Variants in SETD1B observed in about 807,000 individuals in gnomAD.
SETD1B encodes the protein histone-lysine N-methyltransferase SETD1B.
In SETD1B, 7 loss-of-function variants were observed where a neutral mutation model predicts 148.0. The ratio of observed to expected loss-of-function variants is 0.05; its 90% CI spans 0.03 to 0.09. The LOEUF (loss-of-function observed/expected upper bound fraction) is 0.09. Among genes scored for constraint, SETD1B ranks in the 10% least tolerant of loss-of-function variants. The pLI, the probability that SETD1B is intolerant of heterozygous loss-of-function variation, is 1.00. For missense variants in SETD1B, 2,155 were observed against 2,729.9 expected, an observed-to-expected ratio of 0.79 and a Z score of 4.69; for synonymous variants, 1,361 against 1,186.5, an observed-to-expected ratio of 1.15 and a Z score of -3.02.
intron 10 of SETD1B, 56 bp from the exon 11 acceptor site, chr12:121,819,348 G>A: frequency 6.5e-7 from 1 of 1,546,852 alleles, no homozygotes; most frequent in Non-Finnish European, 8.7e-7. Context: ...GGGGTCTGGT[G>A]GGGGCTGGGG....
rs1216411684 is a variant in SETD1B at position 121,805,467 on chromosome 12, C to T, written c.273+251C>T. On this transcript the variant is annotated intron_variant, in intron 3 of 16. Transcript: ENST00000604567. This position sits in a 1 kb window ranked among gnomAD's most constrained non-coding sequence, Gnocchi z 4.2. ...GCACGCCCCGCGGGGGGCTCGGCTC[C>T]GAGACTCTCCCCTCTCGCTAGCCCA... Among the ~76,000 whole-genome samples, 2 of 152,126 alleles carry T rather than the reference C, an allele frequency of 1.3e-5. No individual in the cohort carries two copies. Among genetic ancestry groups the T allele is most frequent in the African/African-American group, 2.4e-5 (1 of 41,414 alleles).
rs1259569393 is a variant in SETD1B, at chr12:121,809,948, G to T, written c.1003G>T (p.Ala335Ser). 6.4e-7 allele frequency: 1 copy of T among 1,550,782 alleles called. No homozygotes were observed. The highest frequency in any genetic ancestry group is 1.4e-5 in the African/African-American group (1 of 73,002). ...HEHHYVHNSP[A>S]VTAVAGATAA... ...ACATCATTATGTACACAATTCTCCC[G>T]CGGTCACTGCGGTGGCCGGGGCCAC... The change falls in exon 6 of 17, where the codon GCG becomes TCG. Residue 335 changes from alanine (A) to serine (S), a missense_variant. By Grantham distance (99) the Ala-to-Ser change is moderately conservative. Transcript: ENST00000604567.
rs1876696218 is a variant in SETD1B at position 121,823,607 on chromosome 12, G to A, written c.5028G>A (p.Glu1676=). ...TCTTCCGGCCCCGCTCGGAGTTTGA[G>A]GAGATGACCATCCTGTATGACATCT... The part of the protein sequence containing the change: ...QPLFRPRSEF[E]EMTILYDIWN... Residue 1676 remains glutamate, a synonymous_variant, in exon 12 of 17, where the codon GAG becomes GAA. Coordinates refer to ENST00000604567, the MANE Select transcript of SETD1B (RefSeq NM_001353345.2). 2 of 1,551,520 alleles carry A rather than the reference G, an allele frequency of 1.3e-6. No homozygotes were observed. Among genetic ancestry groups the A allele is most frequent in the Non-Finnish European group, 1.7e-6 (2 of 1,146,976 alleles).
chr12:121,819,475 T>A lies in SETD1B; in HGVS notation c.3490T>A (p.Phe1164Ile). Residue 1164 changes from phenylalanine (F) to isoleucine (I), a missense_variant, in exon 11 of 17, where the codon TTT becomes ATT. Transcript: ENST00000604567. ...CAGTGAGAGTTCCGAGTCTTCTGAG[T>A]TTGAGTCAAGCTCCGAGTCCTCGCC... ...SSSESSESSEFESSSESSPSS... is the reference protein window; with the variant it reads ...SSSESSESSEIESSSESSPSS... The A allele has an allele frequency of 6.4e-7, 1 of 1,552,136 alleles. No individual in the cohort carries two copies. The highest frequency in any genetic ancestry group is 8.7e-7 in the Non-Finnish European group (1 of 1,147,106).
chr12:121,812,022 T>C (rs1490552121), intron 6 of SETD1B, among the ~76,000 whole-genome samples: 1 of 152,136 alleles, frequency 6.6e-6, no homozygotes, highest in Non-Finnish European at 1.5e-5. Flanking sequence ...GGTCCAGGGC[T>C]GAGAGGCCCG....
chr12:121,826,957 C>CAG (rs1463307209), intron 13 of SETD1B, among the ~76,000 whole-genome samples: 1 of 151,806 alleles, frequency 6.6e-6, no homozygotes, highest in Non-Finnish European at 1.5e-5. Context: ...AACACCCAGG[C>CAG]AGAGAGGTCT....
chr12:121,829,910 G>C (rs1385843531), intron 16 of SETD1B, among the ~76,000 whole-genome samples, 156 bp from the exon 17 acceptor site: 3 of 152,090 alleles, frequency 2.0e-5, no homozygotes, highest in Admixed American at 6.5e-5. Context: ...GTCACCCCTG[G>C]GGGTCGGGGG....
the SETD1B span, chr12:121,793,412 G>C: frequency 1.3e-6 from 2 of 1,508,646 alleles, no homozygotes; most frequent in African/African-American, 2.8e-5. Context: ...CCGTGCTCGG[G>C]ACGCTGGGGA....
chr12:121,801,785 C>G (rs1473211215), upstream of SETD1B: 1 of 152,232 alleles, frequency 6.6e-6, no homozygotes, highest in African/African-American at 2.4e-5. Context: ...AAAAAGGCGG[C>G]TTCGCTGAGG....
In SETD1B at chr12:121,814,083, GTCTC is replaced by G; in HGVS notation, c.1891-20_1891-17del. The G allele has an allele frequency of 6.5e-7, 1 of 1,537,742 alleles. No individual in the cohort carries two copies. The highest frequency in any genetic ancestry group is 8.8e-7 in the Non-Finnish European group (1 of 1,140,354). ...CTTGGCCTTCCAGACTCACCTCACT[GTCTC>G]TCCCTGCTCTCTCTGCAGGGCCAGC... On this transcript the variant is annotated intron_variant, in intron 6 of 16. Transcript: ENST00000604567.
chr12:121,806,169 TC>T, intron 4 of SETD1B, 64 bp downstream of exon 4: 1 of 1,501,082 alleles, frequency 6.7e-7, no homozygotes, highest in Non-Finnish European at 9.0e-7. Context: ...TCCCCACCCT[TC>T]CTGCAGCGTG....
chr12:121,798,500 CT>C, the SETD1B span, among the ~76,000 whole-genome samples: 1 of 152,236 alleles, frequency 6.6e-6, no homozygotes, highest in Non-Finnish European at 1.5e-5. Context: ...AGGAGGGCCT[CT>C]TTAACGCACT....
At chr12:121,803,865 C>T (rs1407312166), upstream of SETD1B, 1 of 152,858 alleles carries the variant, frequency 6.5e-6, no homozygotes, top group Non-Finnish European at 1.5e-5. This position sits in a 1 kb window ranked among gnomAD's most constrained non-coding sequence, Gnocchi z 4.7. Flanking sequence ...GGTGGGGGGC[C>T]GCTGGGGCCC....
chr12:121,800,004 G>A (rs1201835243), upstream of SETD1B: 1 of 152,210 alleles, frequency 6.6e-6, no homozygotes, highest in South Asian at 2.1e-4. Flanking sequence ...GGGGGAGAGA[G>A]ATGTGACCGG....
intron 16 of SETD1B, among the ~76,000 whole-genome samples, chr12:121,829,572 C>T (rs1876997209): frequency 6.6e-6 from 1 of 152,210 alleles, no homozygotes; most frequent in Non-Finnish European, 1.5e-5. Context: ...AGGCCTTTAC[C>T]TTTTCTGTAA....
At chr12:121,819,121 G>A (rs1183430450) in intron 10 of SETD1B, among the ~76,000 whole-genome samples, 1 of 151,952 alleles carries the variant, frequency 6.6e-6, no homozygotes, top group Admixed American at 6.6e-5. Context: ...GTGCATGCCT[G>A]TAATCCCAGC....
Position 121,823,737 on chromosome 12 carries a change from G to A in SETD1B, c.5158G>A (p.Val1720Ile), listed in dbSNP as rs1174081580. Residue 1720 changes from valine (V) to isoleucine (I), a missense_variant, in exon 12 of 17, where the codon GTC becomes ATC. By Grantham distance (29) the Val-to-Ile change is conservative (BLOSUM62 3). This residue lies in a region of SETD1B where 96 missense variants were observed against 148.7 expected (regional missense o/e 0.65). Coordinates refer to ENST00000604567, the MANE Select transcript of SETD1B (RefSeq NM_001353345.2). ...GMDWLNDTLW[V>I]YHPSTSLSSA... ...GGACTGGCTTAACGACACGCTCTGG[G>A]TCTACCATCCCTATATCCTGCTGGC... 6.5e-7 allele frequency: 1 copy of A among 1,549,794 alleles called. No individual in the cohort carries two copies. The highest frequency in any genetic ancestry group is 2.4e-5 in the East Asian group (1 of 40,892).
At chr12:121,826,739 C>T (rs534392576) in intron 13 of SETD1B, among the ~76,000 whole-genome samples, 10 of 152,022 alleles carry the variant, frequency 6.6e-5, no homozygotes, top group South Asian at 2.1e-4. Flanking sequence ...TTAGCTGGGC[C>T]GCGAGGAGCC....
the SETD1B span, chr12:121,797,783 A>C: frequency 2.8e-6 from 1 of 353,296 alleles, no homozygotes; most frequent in South Asian, 2.1e-5. Flanking sequence ...ACGGGGTTCA[A>C]TGGCAGAGCC....
Sources: allele counts gnomAD v4.1 joint callset (sites outside exome capture counted in the v4.1 genomes callset), GRCh38; gene constraint gnomAD v4.1.1; regional missense constraint gnomAD v4.1.1; non-coding constraint Gnocchi (gnomAD v3.1); transcripts MANE v1.5; gene names NCBI Gene and HGNC (gene_info 2026-07-23, HGNC 2026-07-21).